The following AFF2 variants were observed in gnomAD, a reference collection of about 807,000 sequenced individuals.
The protein encoded by AFF2 is AF4/FMR2 family member 2.
Under a neutral mutation model 76.9 loss-of-function variants are expected in AFF2, and 14 were observed. The observed-to-expected ratio is 0.18, with a 90% CI of 0.12 to 0.28. AFF2 has a LOEUF of 0.28. Ranked by LOEUF, AFF2 falls within the 10% of genes least tolerant of loss-of-function variation. The pLI, the probability that AFF2 is intolerant of heterozygous loss-of-function variation, is 1.00. For missense variants in AFF2, 868 were observed against 1,001.1 expected (o/e 0.87, Z 1.79); for synonymous variants, 398 against 366.7 (o/e 1.09, Z -0.98).
chrX:148,837,759 T>A (rs1557273956), intron 5 of AFF2, 26 bp downstream of exon 5: 5 of 1,052,877 alleles, frequency 4.7e-6, no homozygotes, highest in Non-Finnish European at 6.6e-6. Context: ...TCCTGCATTT[T>A]TGTTTGTCTT....
At chrX:148,610,529 C>T (rs2053718605) in intron 1 of AFF2, among the ~76,000 whole-genome samples, 1 of 111,911 alleles carries the variant, frequency 8.9e-6, no homozygotes, top group South Asian at 3.7e-4. Context: ...TCTGTTTCTC[C>T]CCCTTTCATT....
intron 3 of AFF2, among the ~76,000 whole-genome samples, chrX:148,684,716 A>G (rs1342113199): frequency 3.6e-5 from 4 of 112,403 alleles, no homozygotes; most frequent in African/African-American, 6.5e-5. Context: ...GCAAGTATCA[A>G]TGTGAAGAAT....
chrX:148,809,998 TTC>T, intron 4 of AFF2, 78 bp downstream of exon 4: 2 of 1,003,338 alleles, frequency 2.0e-6, no homozygotes, highest in South Asian at 4.2e-5. Flanking sequence ...GTAATTACTG[TTC>T]TGTTTCAAGG....
At chrX:148,949,407 C>G (rs1025718165) in intron 9 of AFF2, among the ~76,000 whole-genome samples, 2 of 111,491 alleles carry the variant, frequency 1.8e-5, no homozygotes, top group Non-Finnish European at 3.8e-5. Context: ...TTCTCTCCCA[C>G]TGGCCTACTC....
Position 148,999,170 on chromosome X carries a change from C to T in AFF2, c.*7838C>T, listed in dbSNP as rs916560954. The stretch of plus-strand genomic sequence containing the variant: ...TTTCCAGTAGGTAAATTGACTGAGA[C>T]TTGCAAAATACCCCTGAGAGTTGTC... On this transcript the variant is annotated 3_prime_UTR_variant, in exon 21 of 21. Transcript: ENST00000370460. 2 of 111,415 alleles carry T rather than the reference C, an allele frequency of 1.8e-5. No homozygotes were observed. The highest frequency in any genetic ancestry group is 9.5e-5 in the Admixed American group (1 of 10,487). The allele number at this position is 111,415 out of a possible 1,213,427, so 9.2% of individuals were successfully genotyped here. A position where few individuals can be genotyped will look rare whatever the true frequency, so the allele number is the denominator to read the frequency against.
In AFF2 at chrX:148,662,648, T is replaced by G; in HGVS notation, c.921T>G (p.Pro307=). The G allele has an allele frequency of 8.3e-7, 1 of 1,211,851 alleles. No individual in the cohort carries two copies. Among genetic ancestry groups the G allele is most frequent in the Non-Finnish European group, 1.1e-6 (1 of 895,583 alleles). ...QAPDISPTLK[P]SIEFENSFGN... ...CGGACATCTCACCAACACTGAAACC[T>G]TCAATTGAATTTGAGAACAGCTTTG... The change falls in exon 3 of 21, where the codon CCT becomes CCG. Residue 307 remains proline, a synonymous_variant. Transcript: ENST00000370460.
chrX:148,817,162 T>A (rs782630077), intron 4 of AFF2, among the ~76,000 whole-genome samples: 6 of 110,516 alleles, frequency 5.4e-5, no homozygotes, highest in Admixed American at 4.8e-4. Flanking sequence ...GAACAGAAAA[T>A]CATTATAATT....
chrX:148,765,469 C>G (rs1449624726), intron 3 of AFF2, among the ~76,000 whole-genome samples: 1 of 111,363 alleles, frequency 9.0e-6, no homozygotes, highest in African/African-American at 3.3e-5. Flanking sequence ...CCAGACCAAC[C>G]AATGAAAATG....
intron 3 of AFF2, among the ~76,000 whole-genome samples, chrX:148,667,509 C>G (rs1263409001): frequency 8.9e-6 from 1 of 111,789 alleles, no homozygotes; most frequent in Non-Finnish European, 1.9e-5. Context: ...AAAGACGTAC[C>G]TGAGTCTGGG....
intron 8 of AFF2, among the ~76,000 whole-genome samples, chrX:148,890,120 G>A (rs545333818): frequency 8.9e-6 from 1 of 111,912 alleles, no homozygotes; most frequent in Non-Finnish European, 1.9e-5. Flanking sequence ...GAAAATGTCT[G>A]TCATCCTAAA....
intron 1 of AFF2, among the ~76,000 whole-genome samples, chrX:148,510,618 A>G (rs1179205124): frequency 9.0e-6 from 1 of 111,505 alleles, no homozygotes; most frequent in Non-Finnish European, 1.9e-5. Flanking sequence ...CCAGATATCT[A>G]CTCCAACAAG....
At chrX:148,616,367 A>G (rs782781704) in intron 1 of AFF2, among the ~76,000 whole-genome samples, 9 of 111,426 alleles carry the variant, frequency 8.1e-5, no homozygotes, top group Non-Finnish European at 1.5e-4. Flanking sequence ...CCAAGGCACC[A>G]TTGCAACCCA....
chrX:148,915,988 A>G (rs1291265631), intron 9 of AFF2, among the ~76,000 whole-genome samples: 4 of 111,326 alleles, frequency 3.6e-5, no homozygotes, highest in African/African-American at 1.3e-4. Context: ...TGATGGAACT[A>G]GAAAAAGCTA....
At chrX:148,702,036 G>GTGGCACACAC (rs1229472141) in intron 3 of AFF2, among the ~76,000 whole-genome samples, 1 of 112,043 alleles carries the variant, frequency 8.9e-6, no homozygotes, top group Non-Finnish European at 1.9e-5. Context: ...GGTTTCATTT[G>GTGGCACACAC]ATCTTAAGTG....
At chrX:148,520,831 A>G (rs2052588743) in intron 1 of AFF2, among the ~76,000 whole-genome samples, 1 of 112,523 alleles carries the variant, frequency 8.9e-6, no homozygotes, top group Admixed American at 9.4e-5. Context: ...CAGTAATCAG[A>G]AACAGTTTTG....
Position 148,966,951 on chromosome X carries a change from C to T in AFF2, c.3075C>T (p.Thr1025=), listed in dbSNP as rs782682426. 1.2e-5 allele frequency: 15 copies of T among 1,209,456 alleles called. No homozygotes were observed. The highest frequency in any genetic ancestry group is 1.5e-5 in the Non-Finnish European group (13 of 895,183). ...TTTTTTTTIS[T]ITSTITTGLM... ...CAACTACTACCACTACCATTTCCAC[C>T]ATCACCTCTACCATCACTACTGGCC... Residue 1025 remains threonine (T), a synonymous_variant, in exon 14 of 21, where the codon ACC becomes ACT. Coordinates refer to ENST00000370460, the MANE Select transcript of AFF2 (RefSeq NM_002025.4).
At chrX:148,883,986 C>T (rs781975157) in intron 7 of AFF2, among the ~76,000 whole-genome samples, 1 of 110,727 alleles carries the variant, frequency 9.0e-6, no homozygotes, top group African/African-American at 3.3e-5. Context: ...GAGATACACA[C>T]ACACACACAC....
chrX:148,511,797 C>G (rs1254462434), intron 1 of AFF2, among the ~76,000 whole-genome samples: 1 of 112,909 alleles, frequency 8.9e-6, no homozygotes, highest in Non-Finnish European at 1.9e-5. Context: ...AAGACCACAT[C>G]CCTTCTGCTA....
intron 3 of AFF2, among the ~76,000 whole-genome samples, chrX:148,768,893 A>G (rs1029251095): frequency 1.8e-5 from 2 of 112,445 alleles, no homozygotes; most frequent in Non-Finnish European, 3.8e-5. Context: ...GTGATGGTTC[A>G]AGATCAAGTT....
Sources: gnomAD v4.1 joint callset for allele counts (sites outside exome capture counted in the v4.1 genomes callset) on GRCh38, gnomAD v4.1.1 for gene constraint, MANE v1.5 for transcripts, NCBI Gene and HGNC (gene_info 2026-07-23, HGNC 2026-07-21) for gene names.